The following ARHGAP10 variants were observed in gnomAD, a reference collection of about 807,000 sequenced individuals.
ARHGAP10 encodes the protein rho GTPase-activating protein 10.
ARHGAP10 carries 87 observed loss-of-function variants against 108.6 expected under a neutral mutation model. That is an observed-to-expected ratio of 0.80 (90% CI 0.67 to 0.96). The LOEUF (loss-of-function observed/expected upper bound fraction) is 0.96. Among genes scored for constraint, ARHGAP10 ranks in the 40% least tolerant of loss-of-function variants. The probability of loss-of-function intolerance (pLI) is 0.00; values close to 1 mark genes in which losing one functional copy is unlikely to be tolerated. For synonymous variants in ARHGAP10, 347 were observed against 341.1 expected (o/e 1.02, Z -0.19); for missense variants, 939 against 954.5 (o/e 0.98, Z 0.21).
At position 148,060,344 on chromosome 4, in the gene ARHGAP10, A is replaced by ACTTTTTTTTTTT. The variant is rs1411745355; in HGVS notation, c.2028-2804_2028-2803insCTTTTTTTTTTT. 5.0e-5 allele frequency among the ~76,000 whole-genome samples: 6 copies of ACTTTTTTTTTTT among 120,844 alleles called. 2 individuals carry two copies. The highest frequency in any genetic ancestry group is 9.1e-5 in the African/African-American group (3 of 32,924). 79.3% of individuals were successfully genotyped at this position (120,844 alleles called of 152,430 possible). A position where few individuals can be genotyped will look rare whatever the true frequency, so the allele number is the denominator to read the frequency against. On this transcript the variant is annotated intron_variant, in intron 20 of 22. Coordinates refer to ENST00000336498, the MANE Select transcript of ARHGAP10 (RefSeq NM_024605.4). ...TGGTTACATAACGAAGCTCATGTTTAGTTTTTTTTTTTTTTTTTTTTTGGC... is the reference window on the plus strand; with the variant it reads ...TGGTTACATAACGAAGCTCATGTTTACTTTTTTTTTTTGTTTTTTTTTTTTTTTTTTTTTGGC...
chr4:148,062,931 G>C (rs2884401), intron 20 of ARHGAP10, among the ~76,000 whole-genome samples: 105,799 of 151,994 alleles, frequency 0.7, 37,444 homozygotes, highest in East Asian at 0.84. Context: ...GAGAAGGACA[G>C]TAAGACAGCT....
At chr4:147,899,552 TTC>T (rs2126898091) in intron 10 of ARHGAP10, among the ~76,000 whole-genome samples, 1 of 152,328 alleles carries the variant, frequency 6.6e-6, no homozygotes, top group Non-Finnish European at 1.5e-5. Flanking sequence ...GAAGCAACAG[TTC>T]TCTAATGATT....
intron 1 of ARHGAP10, among the ~76,000 whole-genome samples, chr4:147,733,088 GT>G (rs1024534863): frequency 2.0e-5 from 3 of 152,248 alleles, no homozygotes; most frequent in East Asian, 3.9e-4. Flanking sequence ...AAAGATTGGG[GT>G]TTGGAAGGGT....
chr4:147,997,905 A>C (rs574722286), intron 18 of ARHGAP10, among the ~76,000 whole-genome samples: 2 of 152,320 alleles, frequency 1.3e-5, no homozygotes, highest in East Asian at 3.9e-4. Flanking sequence ...GGAATTTTTA[A>C]AACTTTCATG....
At chr4:148,049,200 C>T (rs921521354) in intron 20 of ARHGAP10, among the ~76,000 whole-genome samples, 1 of 152,112 alleles carries the variant, frequency 6.6e-6, no homozygotes, top group African/African-American at 2.4e-5. Flanking sequence ...CTGTAGGTCT[C>T]ACTGAGACCC....
In ARHGAP10 at chr4:147,983,860, A is replaced by G. The variant is rs144801501; in HGVS notation, c.1716+17021A>G. On this transcript the variant is annotated intron_variant, in intron 18 of 22. Transcript: ENST00000336498. Reference sequence around the variant, plus strand: ...TTAGTGGGATCCTTTGAAGGTGACAAAACAGTCTGGCTTTTTCTACTGCTG... The same window carrying G: ...TTAGTGGGATCCTTTGAAGGTGACAGAACAGTCTGGCTTTTTCTACTGCTG... Among the ~76,000 whole-genome samples, 491 of 152,316 alleles carry G rather than the reference A, an allele frequency of 3.2e-3. 2 individuals are homozygous for G. The highest frequency in any genetic ancestry group is 0.011 in the African/African-American group (454 of 41,582).
chr4:148,004,397 G>A (rs1740858365), intron 18 of ARHGAP10, among the ~76,000 whole-genome samples: 1 of 152,214 alleles, frequency 6.6e-6, no homozygotes, highest in Non-Finnish European at 1.5e-5. Context: ...AATAGTGATA[G>A]TGATTGTGGC....
chr4:147,924,800 C>G lies in ARHGAP10; in HGVS notation c.1228+11661C>G, dbSNP rs78160800. Among the ~76,000 whole-genome samples the G allele has an allele frequency of 6.1e-3, 931 of 152,200 alleles. 6 individuals are homozygous for G. Among genetic ancestry groups the G allele is most frequent in the African/African-American group, 0.022 (901 of 41,536 alleles). On this transcript the variant is annotated intron_variant, in intron 13 of 22. Transcript: ENST00000336498. ...GTGAAAAGGGATAAGGATCAGATCT[C>G]CTTCATGGGGTTGTTGTGAGAACTA...
chr4:147,754,176 A>G (rs1400947442), intron 1 of ARHGAP10, among the ~76,000 whole-genome samples: 1 of 152,180 alleles, frequency 6.6e-6, no homozygotes, highest in Non-Finnish European at 1.5e-5. Context: ...CCAGAAGTCT[A>G]GAATGTTTAT....
At chr4:147,967,123 T>G (rs1405144518) in intron 18 of ARHGAP10, among the ~76,000 whole-genome samples, 1 of 152,224 alleles carries the variant, frequency 6.6e-6, no homozygotes, top group Admixed American at 6.5e-5. Context: ...ATTTAGGACT[T>G]TTGTTGCTTT....
chr4:148,001,166 T>C (rs1006084772), intron 18 of ARHGAP10, among the ~76,000 whole-genome samples: 2 of 152,254 alleles, frequency 1.3e-5, no homozygotes, highest in African/African-American at 4.8e-5. Flanking sequence ...TTTTATTGAA[T>C]AGGGAATCCT....
chr4:148,032,088 C>T (rs1171837889), intron 19 of ARHGAP10, among the ~76,000 whole-genome samples: 1 of 151,960 alleles, frequency 6.6e-6, no homozygotes, highest in Non-Finnish European at 1.5e-5. Flanking sequence ...CTGTTTTCTC[C>T]TCCCACTCCT....
chr4:147,748,094 A>G (rs6823034), intron 1 of ARHGAP10, among the ~76,000 whole-genome samples: 152,145 of 152,380 alleles, frequency 1, 75,956 homozygotes, highest in Non-Finnish European at 1. Context: ...CTGCCTTAGA[A>G]ATAGGGAGCC....
chr4:147,952,673 C>T (rs1299029275), intron 15 of ARHGAP10, among the ~76,000 whole-genome samples: 2 of 151,822 alleles, frequency 1.3e-5, no homozygotes, highest in African/African-American at 4.8e-5. Context: ...TCTTAGATAC[C>T]TGCTTTACAA....
chr4:147,920,489 C>G (rs10028956), intron 13 of ARHGAP10, among the ~76,000 whole-genome samples: 1 of 152,048 alleles, frequency 6.6e-6, no homozygotes, highest in Non-Finnish European at 1.5e-5. Context: ...AATAGCAGAA[C>G]GTTCTTTTTG....
At chr4:147,972,767 T>A (rs940197347) in intron 18 of ARHGAP10, among the ~76,000 whole-genome samples, 64 of 152,156 alleles carry the variant, frequency 4.2e-4, no homozygotes, top group Non-Finnish European at 6.8e-4. Context: ...TTCTTTTTTT[T>A]TTTTGAGACG....
chr4:148,020,902 T>G (rs1450274798), intron 18 of ARHGAP10, among the ~76,000 whole-genome samples: 2 of 152,202 alleles, frequency 1.3e-5, no homozygotes, highest in Non-Finnish European at 2.9e-5. Flanking sequence ...GTTGAACTCA[T>G]TTACACTCCC....
chr4:147,887,715 A>T (rs1249418609), intron 10 of ARHGAP10, among the ~76,000 whole-genome samples: 1 of 151,940 alleles, frequency 6.6e-6, no homozygotes, highest in African/African-American at 2.4e-5. Context: ...TACAAAAATT[A>T]GCCGGGTGTG....
chr4:147,901,662 A>T (rs1013123484), intron 10 of ARHGAP10, among the ~76,000 whole-genome samples: 2 of 152,202 alleles, frequency 1.3e-5, no homozygotes, highest in Non-Finnish European at 2.9e-5. Context: ...CAGAAATAAT[A>T]TGGCTGTTTA....
Sources: gnomAD v4.1 joint callset for allele counts (sites outside exome capture counted in the v4.1 genomes callset) on GRCh38, gnomAD v4.1.1 for gene constraint, MANE v1.5 for transcripts, NCBI Gene and HGNC (gene_info 2026-07-23, HGNC 2026-07-21) for gene names.